Variants in ADK observed in about 807,000 individuals in gnomAD.
The protein encoded by ADK is adenosine kinase.
A neutral mutation model predicts 44.7 loss-of-function variants in ADK; 24 were observed. The observed-to-expected ratio is 0.54, with a 90% CI of 0.39 to 0.76. ADK has a LOEUF of 0.76. Among genes scored for constraint, ADK ranks in the 30% least tolerant of loss-of-function variants. ADK has a pLI of 0.00. For missense variants in ADK, 321 were observed against 425.1 expected (o/e 0.76, Z 2.15); for synonymous variants, 128 against 142.6 (o/e 0.90, Z 0.73).
intron 7 of ADK, among the ~76,000 whole-genome samples, chr10:74,533,414 A>G (rs1318357564): frequency 2.0e-5 from 3 of 152,204 alleles, no homozygotes; most frequent in Non-Finnish European, 4.4e-5. Context: ...AATCCAGACA[A>G]TGTGGCATTG....
intron 6 of ADK, among the ~76,000 whole-genome samples, chr10:74,417,537 T>C (rs1455573275): frequency 6.6e-6 from 1 of 152,154 alleles, no homozygotes; most frequent in Non-Finnish European, 1.5e-5. Flanking sequence ...GTTTCACAGA[T>C]GCTTCCATAA....
At chr10:74,278,660 T>C (rs1310681545) in intron 3 of ADK, among the ~76,000 whole-genome samples, 4 of 152,158 alleles carry the variant, frequency 2.6e-5, no homozygotes, top group Non-Finnish European at 4.4e-5. Flanking sequence ...CTTCTTTCAC[T>C]TTTTTTATTT....
intron 3 of ADK, among the ~76,000 whole-genome samples, chr10:74,288,382 G>A (rs1003894884): frequency 3.9e-5 from 6 of 152,312 alleles, no homozygotes; most frequent in African/African-American, 1.4e-4. Context: ...GAGCGCAGTG[G>A]CTCATGCCTG....
At chr10:74,453,771 A>T (rs928263052) in intron 6 of ADK, among the ~76,000 whole-genome samples, 1 of 152,064 alleles carries the variant, frequency 6.6e-6, no homozygotes, top group African/African-American at 2.4e-5. Flanking sequence ...AATTACCACA[A>T]TTTTTAAAGG....
At chr10:74,498,573 C>G (rs147571471) in intron 6 of ADK, among the ~76,000 whole-genome samples, 584 of 152,242 alleles carry the variant, frequency 3.8e-3, no homozygotes, top group Non-Finnish European at 5.8e-3. Context: ...ATGTGCACAA[C>G]GTGCAGGTTA....
intron 9 of ADK, among the ~76,000 whole-genome samples, chr10:74,656,355 A>T (rs1854489273): frequency 6.6e-6 from 1 of 152,112 alleles, no homozygotes; most frequent in Non-Finnish European, 1.5e-5. Flanking sequence ...GCTGCTGGGG[A>T]CTTGTCCATG....
At chr10:74,617,740 C>T (rs1385950842) in intron 9 of ADK, among the ~76,000 whole-genome samples, 1 of 151,754 alleles carries the variant, frequency 6.6e-6, no homozygotes, top group African/African-American at 2.4e-5. Flanking sequence ...GGATTACAGG[C>T]ACGTACCACC....
chr10:74,361,788 G>A (rs566161238), intron 4 of ADK, among the ~76,000 whole-genome samples: 2 of 152,292 alleles, frequency 1.3e-5, no homozygotes, highest in Admixed American at 1.3e-4. Context: ...GTCTAAGAAA[G>A]TCTTTATTTC....
At chr10:74,486,004 G>A (rs943007203) in intron 6 of ADK, among the ~76,000 whole-genome samples, 24 of 152,252 alleles carry the variant, frequency 1.6e-4, no homozygotes, top group African/African-American at 5.8e-4. Context: ...AATAAGATGG[G>A]AGAATTTACT....
chr10:74,504,382 CG>C (rs1564759728), intron 6 of ADK, among the ~76,000 whole-genome samples: 1 of 151,838 alleles, frequency 6.6e-6, no homozygotes, highest in African/African-American at 2.4e-5. Context: ...TGAACAGTGC[CG>C]GGGGTTAGAG....
chr10:74,663,248 A>AATATATATATATATAT (rs199853152), intron 9 of ADK, among the ~76,000 whole-genome samples: 1 of 140,864 alleles, frequency 7.1e-6, no homozygotes, highest in Non-Finnish European at 1.5e-5. Flanking sequence ...AAAAAAAAAT[A>AATATATATATATATAT]ATATATATAT....
At chr10:74,202,421 A>G (rs759253099) in intron 2 of ADK, among the ~76,000 whole-genome samples, 9 of 152,134 alleles carry the variant, frequency 5.9e-5, no homozygotes, top group Non-Finnish European at 1.0e-4. Flanking sequence ...CTTCTTATGA[A>G]TATTCATGTA....
chr10:74,241,759 G>T (rs1183030780), intron 3 of ADK, among the ~76,000 whole-genome samples: 1 of 152,226 alleles, frequency 6.6e-6, no homozygotes, highest in Admixed American at 6.5e-5. Context: ...CTGGAGTGCA[G>T]TGATGCAATC....
At chr10:74,547,430 T>TTA (rs10596248) in intron 7 of ADK, among the ~76,000 whole-genome samples, 211 of 137,452 alleles carry the variant, frequency 1.5e-3, no homozygotes, top group East Asian at 8.6e-3. Flanking sequence ...TTTTCCCACT[T>TTA]TATATATATA....
At chr10:74,288,842 T>C (rs964966122) in intron 3 of ADK, among the ~76,000 whole-genome samples, 4 of 152,194 alleles carry the variant, frequency 2.6e-5, no homozygotes, top group African/African-American at 9.6e-5. Flanking sequence ...GGATCTAAAA[T>C]GGGTAAGTTC....
chr10:74,652,177 G>C (rs1313591594), intron 9 of ADK, among the ~76,000 whole-genome samples: 1 of 151,510 alleles, frequency 6.6e-6, no homozygotes, highest in East Asian at 2.0e-4. Context: ...GAGTACCTGG[G>C]ATTACAGGTG....
At chr10:74,161,445 G>A (rs558116318) in intron 1 of ADK, among the ~76,000 whole-genome samples, 3 of 152,258 alleles carry the variant, frequency 2.0e-5, no homozygotes, top group East Asian at 3.9e-4. Context: ...TCCTGATCTC[G>A]TGATCTACCT....
intron 6 of ADK, among the ~76,000 whole-genome samples, chr10:74,469,029 A>G (rs1846458818): frequency 6.6e-6 from 1 of 152,086 alleles, no homozygotes; most frequent in South Asian, 2.1e-4. Flanking sequence ...ATGGTCAAAA[A>G]TACATATCAT....
intron 1 of ADK, among the ~76,000 whole-genome samples, chr10:74,163,867 G>T (rs1253393701): frequency 1.3e-5 from 2 of 152,100 alleles, no homozygotes; most frequent in South Asian, 2.1e-4. Context: ...TGTTTTATAG[G>T]CTTGACTGAG....
Sources: allele counts gnomAD v4.1 joint callset (sites outside exome capture counted in the v4.1 genomes callset), GRCh38; gene constraint gnomAD v4.1.1; transcripts MANE v1.5; gene names NCBI Gene and HGNC (gene_info 2026-07-23, HGNC 2026-07-21).